IRAG1: variants seen among roughly 807,000 people sequenced by gnomAD.
IRAG1 encodes IP3R-associated cGMP kinase substrate.
Under a neutral mutation model 106.2 loss-of-function variants are expected in IRAG1, and 62 were observed. The ratio of observed to expected loss-of-function variants is 0.58; its 90% CI spans 0.48 to 0.72. The LOEUF is 0.72. Ranked by LOEUF, IRAG1 falls within the 30% of genes least tolerant of loss-of-function variation. The pLI, the probability that IRAG1 is intolerant of heterozygous loss-of-function variation, is 0.00. For missense variants in IRAG1, 1,064 were observed against 1,140.7 expected (o/e 0.93, Z 0.97); for synonymous variants, 462 against 443.9 (o/e 1.04, Z -0.51).
intron 15 of IRAG1, chr11:10,599,554 T>C (rs1853726491): frequency 6.6e-6 from 1 of 152,202 alleles, no homozygotes; most frequent in African/African-American, 2.4e-5. Context: ...CATGCTGCCT[T>C]TGGACTCTGG....
In IRAG1 at chr11:10,580,567, T is replaced by C. The variant is rs1385189069; in HGVS notation, c.2383A>G (p.Thr795Ala). ...SKGFQEGLKK[T>A]KELQDLKEEE... is the part of the protein sequence containing the mutation. ...TCCTTCAGGTCTTGAAGTTCTTTGG[T>C]CTTCTTTAGACCTTCTTGGAATCTG... The change falls in exon 20 of 21, where the codon ACC becomes GCC. Residue 795 changes from threonine to alanine, a missense_variant. Physicochemically the swap from Thr to Ala is moderately conservative, Grantham distance 58. Coordinates refer to ENST00000423302, the MANE Select transcript of IRAG1 (RefSeq NM_130385.4). 6.2e-7 allele frequency: 1 copy of C among 1,613,890 alleles called. No homozygotes were observed. The highest frequency in any genetic ancestry group is 2.2e-5 in the East Asian group (1 of 44,872).
At chr11:10,670,064 C>A (rs1276200620) in intron 1 of IRAG1, among the ~76,000 whole-genome samples, 3 of 152,212 alleles carry the variant, frequency 2.0e-5, no homozygotes, top group Non-Finnish European at 4.4e-5. Flanking sequence ...ACTGACATAA[C>A]CAATTGAGAT....
intron 1 of IRAG1, among the ~76,000 whole-genome samples, chr11:10,689,694 T>A (rs1010708477): frequency 1.3e-5 from 2 of 152,180 alleles, no homozygotes; most frequent in Non-Finnish European, 2.9e-5. Context: ...CATTGAAAAA[T>A]CATGTTTTGG....
At chr11:10,645,636 G>A (rs969706109) in intron 2 of IRAG1, among the ~76,000 whole-genome samples, 1 of 152,222 alleles carries the variant, frequency 6.6e-6, no homozygotes, top group African/African-American at 2.4e-5. Context: ...AGTGACACAT[G>A]TGGAAACTTT....
chr11:10,670,060 A>G (rs1392606160), intron 1 of IRAG1, among the ~76,000 whole-genome samples: 1 of 152,236 alleles, frequency 6.6e-6, no homozygotes, highest in Non-Finnish European at 1.5e-5. Context: ...TCCTACTGAC[A>G]TAACCAATTG....
At chr11:10,612,656 A>C (rs191235829) in intron 10 of IRAG1, among the ~76,000 whole-genome samples, 1 of 152,206 alleles carries the variant, frequency 6.6e-6, no homozygotes, top group East Asian at 1.9e-4. Context: ...ACAAAAGAGG[A>C]AGGAAGGTAG....
intron 1 of IRAG1, chr11:10,687,754 G>A: frequency 8.5e-6 from 11 of 1,289,086 alleles, no homozygotes; most frequent in Non-Finnish European, 1.0e-5. Context: ...CAAACCCAGT[G>A]CAGAAGTCTT....
chr11:10,592,699 G>A (rs1393065926), intron 17 of IRAG1, among the ~76,000 whole-genome samples: 2 of 152,034 alleles, frequency 1.3e-5, no homozygotes, highest in African/African-American at 4.8e-5. Context: ...TAAAAGAAAT[G>A]GAAATGTATT....
intron 1 of IRAG1, among the ~76,000 whole-genome samples, chr11:10,663,623 T>C (rs1859567876): frequency 6.6e-6 from 1 of 152,232 alleles, no homozygotes; most frequent in African/African-American, 2.4e-5. Flanking sequence ...GACAGCACTG[T>C]GTGGCTATCC....
At chr11:10,668,845 C>A (rs1226751536) in intron 1 of IRAG1, among the ~76,000 whole-genome samples, 2 of 152,178 alleles carry the variant, frequency 1.3e-5, no homozygotes, top group Admixed American at 6.5e-5. Context: ...AGTTTAAATG[C>A]ACACATCTCC....
chr11:10,672,955 G>T (rs1224046710), intron 1 of IRAG1, among the ~76,000 whole-genome samples: 1 of 152,190 alleles, frequency 6.6e-6, no homozygotes, highest in East Asian at 1.9e-4. Flanking sequence ...ATAAAATGTG[G>T]TATATTCATA....
At chr11:10,601,087 G>A (rs369370595) in intron 14 of IRAG1, 28 bp from the exon 15 acceptor site, 21 of 1,611,836 alleles carry the variant, frequency 1.3e-5, no homozygotes, top group Non-Finnish European at 1.8e-5. Flanking sequence ...ATGAGTGCAT[G>A]AGGCCATTGG....
intron 8 of IRAG1, among the ~76,000 whole-genome samples, chr11:10,626,875 G>C (rs1856284559): frequency 6.6e-6 from 1 of 152,238 alleles, no homozygotes; most frequent in African/African-American, 2.4e-5. Flanking sequence ...AGTTGCCCCA[G>C]ATCTAGCCTT....
intron 1 of IRAG1, among the ~76,000 whole-genome samples, chr11:10,653,089 A>C (rs1858651699): frequency 6.6e-6 from 1 of 152,160 alleles, no homozygotes; most frequent in Non-Finnish European, 1.5e-5. Flanking sequence ...CAATGGACCC[A>C]GCCTACATCG....
intron 19 of IRAG1, 149 bp downstream of exon 19, chr11:10,581,718 G>A: frequency 1.1e-6 from 1 of 925,180 alleles, no homozygotes; most frequent in Non-Finnish European, 1.6e-6. Context: ...GAACAGTCTT[G>A]CTCTTTCCTA....
At chr11:10,618,583 G>A in intron 10 of IRAG1, among the ~76,000 whole-genome samples, 1 of 152,182 alleles carries the variant, frequency 6.6e-6, no homozygotes, top group East Asian at 1.9e-4. Context: ...CAAAGGAGAA[G>A]GGATCCGAAG....
chr11:10,593,944 G>A (rs1210512759), intron 16 of IRAG1: 13 of 601,042 alleles, frequency 2.2e-5, no homozygotes, highest in Non-Finnish European at 3.6e-5. Context: ...TCATTTAAGG[G>A]ATGTATACAT....
intron 2 of IRAG1, among the ~76,000 whole-genome samples, chr11:10,643,110 G>C (rs1857648987): frequency 7.3e-6 from 1 of 136,488 alleles, no homozygotes; most frequent in Admixed American, 8.1e-5. Context: ...AGGAGGCGGA[G>C]CTTACAGTGA....
At chr11:10,672,240 G>A (rs766554591) in intron 1 of IRAG1, among the ~76,000 whole-genome samples, 1 of 152,186 alleles carries the variant, frequency 6.6e-6, no homozygotes, top group Non-Finnish European at 1.5e-5. Flanking sequence ...AGAATTCTTA[G>A]GTGAAAGCAT....
Sources: allele counts gnomAD v4.1 joint callset (sites outside exome capture counted in the v4.1 genomes callset), GRCh38; gene constraint gnomAD v4.1.1; transcripts MANE v1.5; gene names NCBI Gene and HGNC (gene_info 2026-07-23, HGNC 2026-07-21).